Variants in RYR3 observed in about 807,000 individuals in gnomAD.
RYR3 encodes the protein ryanodine receptor 3.
Under a neutral mutation model 584.3 loss-of-function variants are expected in RYR3, and 207 were observed. That is an observed-to-expected ratio of 0.35 (90% CI 0.32 to 0.40). RYR3 has a LOEUF of 0.40. RYR3 is among the 10% of genes least tolerant of loss of function. The pLI, the probability that RYR3 is intolerant of heterozygous loss-of-function variation, is 1.00. For synonymous variants in RYR3, 2,416 were observed against 2,248.5 expected (o/e 1.07, Z -2.11); for missense variants, 5,616 against 6,089.2 (o/e 0.92, Z 2.59).
intron 16 of RYR3, among the ~76,000 whole-genome samples, chr15:33,589,837 C>T (rs1338889514): frequency 1.3e-5 from 2 of 152,000 alleles, no homozygotes; most frequent in African/African-American, 4.8e-5. Context: ...ATTTTTATAC[C>T]AGTACCATGC....
chr15:33,846,095 TTCTC>T (rs1364963585), intron 93 of RYR3, among the ~76,000 whole-genome samples: 2 of 152,230 alleles, frequency 1.3e-5, no homozygotes, highest in East Asian at 3.9e-4. Flanking sequence ...GTCTCCCTCT[TTCTC>T]TCCAGGGAGA....
chr15:33,744,608 C>T (rs963756936), intron 52 of RYR3, among the ~76,000 whole-genome samples: 4 of 152,164 alleles, frequency 2.6e-5, no homozygotes, highest in Non-Finnish European at 5.9e-5. Context: ...CCAGGGACAC[C>T]TCCCAGAGTT....
At chr15:33,578,909 G>A (rs59768872) in intron 12 of RYR3, among the ~76,000 whole-genome samples, 5,353 of 152,258 alleles carry the variant, frequency 0.035, 270 homozygotes, top group African/African-American at 0.11. Context: ...TTTGCCCTCT[G>A]AGAGGCTCCC....
At chr15:33,549,958 A>G (rs2056549933) in intron 9 of RYR3, among the ~76,000 whole-genome samples, 1 of 152,154 alleles carries the variant, frequency 6.6e-6, no homozygotes, top group Admixed American at 6.5e-5. Flanking sequence ...TTCCTTGTTG[A>G]TGTCATCAAG....
At chr15:33,631,411 G>C in intron 23 of RYR3, 118 bp downstream of exon 23, 1 of 621,966 alleles carries the variant, frequency 1.6e-6, no homozygotes, top group Non-Finnish European at 2.8e-6. Context: ...CAGCTCAGAA[G>C]GGCTCCCCTG....
chr15:33,700,880 C>T, intron 41 of RYR3, 97 bp from the exon 42 acceptor site: 1 of 771,262 alleles, frequency 1.3e-6, no homozygotes, highest in South Asian at 1.9e-5. Flanking sequence ...AGTGTGTTTG[C>T]TGCCCTCTCC....
intron 48 of RYR3, among the ~76,000 whole-genome samples, chr15:33,733,573 A>G (rs1167506590): frequency 6.6e-6 from 1 of 152,190 alleles, no homozygotes; most frequent in Admixed American, 6.5e-5. Context: ...TGAAAAGATC[A>G]GTGGTGTCAG....
At chr15:33,403,596 AC>A (rs1459706411) in intron 1 of RYR3, among the ~76,000 whole-genome samples, 2 of 141,568 alleles carry the variant, frequency 1.4e-5, no homozygotes, top group Non-Finnish European at 3.0e-5. Flanking sequence ...AAATTTCACT[AC>A]AGAATAATAA....
intron 1 of RYR3, among the ~76,000 whole-genome samples, chr15:33,456,755 T>C (rs2047596256): frequency 1.3e-5 from 2 of 152,218 alleles, no homozygotes; most frequent in East Asian, 3.8e-4. Flanking sequence ...GTGAAATCTC[T>C]TGCTGTGTTG....
At chr15:33,495,226 A>T (rs2051310797) in intron 2 of RYR3, among the ~76,000 whole-genome samples, 1 of 152,222 alleles carries the variant, frequency 6.6e-6, no homozygotes, top group South Asian at 2.1e-4. Flanking sequence ...TAAAGTCCTT[A>T]ACTTTCATTT....
intron 1 of RYR3, among the ~76,000 whole-genome samples, chr15:33,437,915 G>A (rs1377476917): frequency 6.6e-6 from 1 of 152,096 alleles, no homozygotes; most frequent in African/African-American, 2.4e-5. Context: ...TAGAAACAGT[G>A]TCTTGCCATG....
chr15:33,720,947 CT>C (rs1207794093), intron 43 of RYR3, among the ~76,000 whole-genome samples: 19 of 152,232 alleles, frequency 1.2e-4, no homozygotes, highest in Admixed American at 4.6e-4. Context: ...AGAACTTAAA[CT>C]GCTAAAATTG....
intron 38 of RYR3, among the ~76,000 whole-genome samples, chr15:33,687,356 G>A (rs1393392564): frequency 6.6e-6 from 1 of 152,128 alleles, no homozygotes; most frequent in Non-Finnish European, 1.5e-5. Flanking sequence ...CAACTTACAA[G>A]GGATGTGAAG....
Position 33,566,742 on chromosome 15 carries a change from A to C in RYR3, c.1211A>C (p.Glu404Ala), listed in dbSNP as rs780640441. Reference sequence around the variant, plus strand: ...ACACTGCAGAGATGCCAGCGTGAGGAGTCCCAGGCTGCTCGGATCATCCGG... The same window carrying C: ...ACACTGCAGAGATGCCAGCGTGAGGCGTCCCAGGCTGCTCGGATCATCCGG... ...GLTLQRCQRE[E>A]SQAARIIRNT... The change falls in exon 12 of 104, where the codon GAG becomes GCG. Residue 404 changes from glutamate (E) to alanine (A), a missense_variant. Glu to Ala is a moderately radical substitution (Grantham distance 107). Transcript: ENST00000634891. 1 of 1,613,732 alleles carries C rather than the reference A, an allele frequency of 6.2e-7. No homozygotes were observed.
intron 1 of RYR3, among the ~76,000 whole-genome samples, chr15:33,462,391 A>C (rs1232484197): frequency 1.3e-5 from 2 of 152,220 alleles, no homozygotes; most frequent in African/African-American, 4.8e-5. Context: ...GGAAAATCCC[A>C]GAAAGCACCC....
At chr15:33,315,972 T>C (rs1045766496) in intron 1 of RYR3, among the ~76,000 whole-genome samples, 34 of 152,212 alleles carry the variant, frequency 2.2e-4, no homozygotes, top group Admixed American at 2.2e-3. Context: ...CTGACATCTG[T>C]GCATGTTTTT....
At chr15:33,757,837 A>T in intron 60 of RYR3, 1 of 515,546 alleles carries the variant, frequency 1.9e-6, no homozygotes, top group Non-Finnish European at 3.5e-6. Context: ...TTAAATCAAC[A>T]TCGGGACAGA....
chr15:33,767,331 T>A (rs927775555), intron 60 of RYR3, among the ~76,000 whole-genome samples: 1 of 151,118 alleles, frequency 6.6e-6, no homozygotes, highest in Admixed American at 6.6e-5. Flanking sequence ...AAAAAAACCA[T>A]GGGAAGAAAA....
intron 3 of RYR3, among the ~76,000 whole-genome samples, chr15:33,508,774 AT>A (rs2052705304): frequency 6.6e-6 from 1 of 152,186 alleles, no homozygotes; most frequent in Non-Finnish European, 1.5e-5. Context: ...TACTTGTGTG[AT>A]TTGATAGTCC....
Sources: gnomAD v4.1 joint callset for allele counts (sites outside exome capture counted in the v4.1 genomes callset) on GRCh38, gnomAD v4.1.1 for gene constraint, MANE v1.5 for transcripts, NCBI Gene and HGNC (gene_info 2026-07-23, HGNC 2026-07-21) for gene names.